Variants in GALNTL6 observed in about 807,000 individuals in gnomAD.
The protein encoded by GALNTL6 is polypeptide N-acetylgalactosaminyltransferase like 6.
Under a neutral mutation model 73.7 loss-of-function variants are expected in GALNTL6, and 46 were observed. The observed-to-expected ratio is 0.62, with a 90% CI of 0.49 to 0.80. GALNTL6 has a LOEUF of 0.80. GALNTL6 is among the 30% of genes least tolerant of loss of function. GALNTL6 has a pLI of 0.00. For missense variants in GALNTL6, 604 were observed against 755.0 expected, an observed-to-expected ratio of 0.80 and a Z score of 2.34; for synonymous variants, 259 against 263.7, an observed-to-expected ratio of 0.98 and a Z score of 0.17.
chr4:172,749,185 T>A (rs7435993), intron 5 of GALNTL6, among the ~76,000 whole-genome samples: 1 of 151,766 alleles, frequency 6.6e-6, no homozygotes, highest in Non-Finnish European at 1.5e-5. Context: ...TTTAAAAAGA[T>A]AACCACAAAA....
chr4:172,712,525 T>A (rs933181283), intron 5 of GALNTL6, among the ~76,000 whole-genome samples: 1 of 152,168 alleles, frequency 6.6e-6, no homozygotes, highest in African/African-American at 2.4e-5. Flanking sequence ...GCTACTTTTT[T>A]ATGAAGAAAA....
intron 2 of GALNTL6, among the ~76,000 whole-genome samples, chr4:172,022,433 G>A (rs1741433644): frequency 6.6e-6 from 1 of 151,914 alleles, no homozygotes; most frequent in Non-Finnish European, 1.5e-5. Context: ...GTTCTTGCAT[G>A]ACCACATCCT....
At chr4:172,261,332 G>A in intron 3 of GALNTL6, among the ~76,000 whole-genome samples, 1 of 151,430 alleles carries the variant, frequency 6.6e-6, no homozygotes, top group Non-Finnish European at 1.5e-5. Context: ...ATTTAATCTA[G>A]GAGGGTTGTA....
At chr4:172,954,177 G>GT (rs1178335477) in intron 10 of GALNTL6, among the ~76,000 whole-genome samples, 1 of 152,164 alleles carries the variant, frequency 6.6e-6, no homozygotes, top group Admixed American at 6.5e-5. Flanking sequence ...CAGTTACTAT[G>GT]TTCTGCAAAC....
intron 7 of GALNTL6, among the ~76,000 whole-genome samples, chr4:172,833,985 C>T (rs905631008): frequency 3.9e-5 from 6 of 152,100 alleles, no homozygotes; most frequent in Admixed American, 6.5e-5. Context: ...AGCGTGGTGG[C>T]GCATGCCTGT....
At chr4:172,821,534 T>C (rs1741928574) in intron 7 of GALNTL6, among the ~76,000 whole-genome samples, 1 of 152,218 alleles carries the variant, frequency 6.6e-6, no homozygotes, top group African/African-American at 2.4e-5. Context: ...TTCTTATCAT[T>C]AGACCAAACT....
rs550284446 is a variant in GALNTL6, at chr4:172,278,989, T to C, written c.248-32625T>C. Among the ~76,000 whole-genome samples the C allele has an allele frequency of 8.5e-5, 13 of 152,246 alleles. No individual in the cohort carries two copies. The East Asian group carries it at 1.2e-3, about 14-fold the overall frequency. Reference sequence around the variant, plus strand: ...GGAAAAGGACAGTCTTTTTAACAAATGGTTTTGGGAAAATTGGATATCCAC... The same window carrying C: ...GGAAAAGGACAGTCTTTTTAACAAACGGTTTTGGGAAAATTGGATATCCAC... On this transcript the variant is annotated intron_variant, in intron 3 of 12. Transcript: ENST00000506823.
rs927224740 is a variant in GALNTL6 at position 172,141,891 on chromosome 4, ACACAC to A, written c.139-87764_139-87760del. Among the ~76,000 whole-genome samples, 173 of 115,350 alleles carry A rather than the reference ACACAC, an allele frequency of 1.5e-3. 1 individual carries two copies. The East Asian group carries it at 0.021, about 14-fold the overall frequency. 75.7% of individuals were successfully genotyped at this position (115,350 alleles called of 152,430 possible). A position where few individuals can be genotyped will look rare whatever the true frequency, so the allele number is the denominator to read the frequency against. ...GACAAGAACACACACAAACACACACACACACACACACACACACACACCCCCCACAC... is the reference window on the plus strand; with the variant it reads ...GACAAGAACACACACAAACACACACAACACACACACACACACCCCCCACAC... On this transcript the variant is annotated intron_variant, in intron 2 of 12. Transcript: ENST00000506823.
At chr4:172,995,727 C>A (rs1422217844) in intron 10 of GALNTL6, among the ~76,000 whole-genome samples, 4 of 152,180 alleles carry the variant, frequency 2.6e-5, no homozygotes, top group Non-Finnish European at 4.4e-5. Context: ...CTAAAGTAAA[C>A]TTGTTCATCT....
chr4:172,167,578 A>T (rs1426495844), intron 2 of GALNTL6, among the ~76,000 whole-genome samples: 1 of 152,242 alleles, frequency 6.6e-6, no homozygotes, highest in African/African-American at 2.4e-5. Context: ...ACTATATATG[A>T]CCATATGTGG....
At chr4:172,778,419 C>A (rs1204090425) in intron 5 of GALNTL6, among the ~76,000 whole-genome samples, 1 of 152,224 alleles carries the variant, frequency 6.6e-6, no homozygotes, top group African/African-American at 2.4e-5. Flanking sequence ...GAATAAGCCA[C>A]ATGTAGGCAC....
At chr4:173,021,333 C>T (rs368958145) in intron 11 of GALNTL6, 143 bp from the exon 12 acceptor site, 1 of 803,788 alleles carries the variant, frequency 1.2e-6, no homozygotes, top group Non-Finnish European at 2.0e-6. Context: ...TTTCCAACAC[C>T]TCTGTTAGGC....
At chr4:171,994,791 T>C (rs1740440000) in intron 2 of GALNTL6, among the ~76,000 whole-genome samples, 1 of 151,568 alleles carries the variant, frequency 6.6e-6, no homozygotes, top group Admixed American at 6.6e-5. Flanking sequence ...CCCAGAAAAC[T>C]CAGAGGCCAT....
chr4:172,093,279 T>A (rs916415310), intron 2 of GALNTL6, among the ~76,000 whole-genome samples: 6 of 152,182 alleles, frequency 3.9e-5, no homozygotes, highest in African/African-American at 1.2e-4. Flanking sequence ...TTAAATTTTT[T>A]AATTCTTTTT....
rs187613151 is a variant in GALNTL6, at chr4:172,749,997, G to A, written c.554-59364G>A. ...TAGTTTTCTTATTGATCAGTCTATTGAAATTATGTCTGCACTACTAAATGA... is the reference window on the plus strand; with the variant it reads ...TAGTTTTCTTATTGATCAGTCTATTAAAATTATGTCTGCACTACTAAATGA... On this transcript the variant is annotated intron_variant, in intron 5 of 12. Transcript: ENST00000506823. Among the ~76,000 whole-genome samples, 14 of 152,192 alleles carry A rather than the reference G, an allele frequency of 9.2e-5. No individual in the cohort carries two copies. In the East Asian group the frequency reaches 1.9e-3, roughly 21 times the overall value.
At chr4:172,519,516 T>C (rs1458695681) in intron 5 of GALNTL6, among the ~76,000 whole-genome samples, 1 of 151,146 alleles carries the variant, frequency 6.6e-6, no homozygotes, top group Non-Finnish European at 1.5e-5. Context: ...TTTCTTTTTT[T>C]TTTTTTAATT....
At chr4:172,704,492 A>ATTTGAAT (rs368950617) in intron 5 of GALNTL6, among the ~76,000 whole-genome samples, 2,078 of 152,012 alleles carry the variant, frequency 0.014, 48 homozygotes, top group African/African-American at 0.048. Context: ...ACTTCCATGT[A>ATTTGAAT]TTTGAATACA....
intron 2 of GALNTL6, among the ~76,000 whole-genome samples, chr4:172,186,575 A>G (rs1475826460): frequency 6.6e-6 from 1 of 152,160 alleles, no homozygotes; most frequent in Non-Finnish European, 1.5e-5. Flanking sequence ...ATATTATTCA[A>G]CCATAGAAAG....
At chr4:172,354,825 T>C (rs1742095229) in intron 5 of GALNTL6, among the ~76,000 whole-genome samples, 1 of 152,132 alleles carries the variant, frequency 6.6e-6, no homozygotes, top group African/African-American at 2.4e-5. Flanking sequence ...AACAACAGAA[T>C]TTATCTGACA....
Sources: gnomAD v4.1 joint callset for allele counts (sites outside exome capture counted in the v4.1 genomes callset) on GRCh38, gnomAD v4.1.1 for gene constraint, MANE v1.5 for transcripts, NCBI Gene and HGNC (gene_info 2026-07-23, HGNC 2026-07-21) for gene names.